SORCS2: variants seen among roughly 807,000 people sequenced by gnomAD.
SORCS2 encodes VPS10 domain-containing receptor SorCS2.
In SORCS2, 100 loss-of-function variants were observed where a neutral mutation model predicts 141.6. That is an observed-to-expected ratio of 0.71 (90% confidence interval 0.60 to 0.83). SORCS2 has a LOEUF of 0.83. Ranked by LOEUF, SORCS2 falls within the 40% of genes least tolerant of loss-of-function variation. SORCS2 has a pLI of 0.00. For missense variants in SORCS2, 1,646 were observed against 1,560.2 expected (o/e 1.05, Z -0.93); for synonymous variants, 789 against 676.9 (o/e 1.17, Z -2.57).
intron 3 of SORCS2, among the ~76,000 whole-genome samples, chr4:7,542,158 G>A (rs962411834): frequency 5.3e-5 from 8 of 152,224 alleles, no homozygotes; most frequent in African/African-American, 1.9e-4. Context: ...CTCATGGGCG[G>A]AGGGTTGGGG....
chr4:7,467,425 C>T (rs963272598), intron 2 of SORCS2, among the ~76,000 whole-genome samples: 7 of 152,160 alleles, frequency 4.6e-5, no homozygotes, highest in African/African-American at 1.2e-4. Flanking sequence ...AAGGAGGTGG[C>T]GACTGCCAGG....
intron 4 of SORCS2, 137 bp downstream of exon 4, chr4:7,638,629 G>T (rs1463896500): frequency 2.2e-6 from 2 of 889,592 alleles, no homozygotes; most frequent in African/African-American, 1.8e-5. Context: ...GGGGCTGGGG[G>T]CCGGGATGCT....
chr4:7,405,048 G>A (rs1216256931), intron 2 of SORCS2, among the ~76,000 whole-genome samples: 1 of 151,990 alleles, frequency 6.6e-6, no homozygotes, highest in African/African-American at 2.4e-5. Context: ...GAGAGATAGG[G>A]GTCCGTTTTC....
At chr4:7,706,405 G>GT (rs1560498941) in intron 14 of SORCS2, among the ~76,000 whole-genome samples, 9 of 148,200 alleles carry the variant, frequency 6.1e-5, no homozygotes, top group South Asian at 2.1e-4. Flanking sequence ...GCTGGGCTCT[G>GT]CCTGGACAGA....
At chr4:7,468,588 G>C (rs767109406) in intron 2 of SORCS2, among the ~76,000 whole-genome samples, 1 of 152,260 alleles carries the variant, frequency 6.6e-6, no homozygotes, top group Non-Finnish European at 1.5e-5. Context: ...TCAACGCGTA[G>C]AGTGAATGAA....
intron 1 of SORCS2, among the ~76,000 whole-genome samples, chr4:7,318,075 C>G (rs1055275117): frequency 7.9e-5 from 12 of 152,208 alleles, no homozygotes; most frequent in Non-Finnish European, 1.6e-4. Context: ...CAAGGTGATA[C>G]AGCAGCAGAC....
intron 2 of SORCS2, among the ~76,000 whole-genome samples, chr4:7,486,992 C>T (rs1255506980): frequency 2.0e-5 from 3 of 152,214 alleles, no homozygotes; most frequent in East Asian, 1.9e-4. Flanking sequence ...AACCCTCTAC[C>T]GACCTCAGCG....
intron 3 of SORCS2, among the ~76,000 whole-genome samples, chr4:7,629,509 T>G (rs1719739322): frequency 6.6e-6 from 1 of 152,036 alleles, no homozygotes; most frequent in Non-Finnish European, 1.5e-5. Flanking sequence ...TCTCTCCTCC[T>G]GGCCTGCTGA....
intron 2 of SORCS2, among the ~76,000 whole-genome samples, chr4:7,425,302 T>G (rs1726355244): frequency 6.6e-6 from 1 of 152,182 alleles, no homozygotes; most frequent in Non-Finnish European, 1.5e-5. Context: ...GCACCTGCTC[T>G]CTGTCTCCAC....
chr4:7,512,637 A>G (rs1268952962), intron 2 of SORCS2, among the ~76,000 whole-genome samples: 1 of 151,926 alleles, frequency 6.6e-6, no homozygotes, highest in Non-Finnish European at 1.5e-5. Context: ...CAGGCAGGAC[A>G]GCAGAGAAGG....
At chr4:7,733,538 T>A in intron 24 of SORCS2, 117 bp downstream of exon 24, 2 of 826,010 alleles carry the variant, frequency 2.4e-6, no homozygotes, top group Non-Finnish European at 3.7e-6. Flanking sequence ...TGGTGGGTGT[T>A]CGCCTCTGAT....
At chr4:7,491,259 C>G (rs1731299444) in intron 2 of SORCS2, among the ~76,000 whole-genome samples, 1 of 152,198 alleles carries the variant, frequency 6.6e-6, no homozygotes, top group Non-Finnish European at 1.5e-5. Flanking sequence ...TGCTCAGCCT[C>G]CAGCATGGGT....
chr4:7,534,237 G>C (rs1264815196), intron 3 of SORCS2, among the ~76,000 whole-genome samples: 1 of 152,210 alleles, frequency 6.6e-6, no homozygotes, highest in South Asian at 2.1e-4. Context: ...GCCGCATCAG[G>C]TTTGCCTGGG....
At chr4:7,478,112 C>T (rs1210638536) in intron 2 of SORCS2, among the ~76,000 whole-genome samples, 1 of 152,216 alleles carries the variant, frequency 6.6e-6, no homozygotes, top group Non-Finnish European at 1.5e-5. Flanking sequence ...AGCAGCCCCT[C>T]CAGAGGCTGG....
chr4:7,477,685 A>T (rs895600448), intron 2 of SORCS2, among the ~76,000 whole-genome samples: 26 of 152,324 alleles, frequency 1.7e-4, no homozygotes, highest in Non-Finnish European at 3.2e-4. Flanking sequence ...ATGGATGGAG[A>T]CAAATGGCCG....
intron 1 of SORCS2, among the ~76,000 whole-genome samples, chr4:7,262,315 T>TATCC (rs1233866321): frequency 4.6e-5 from 6 of 131,298 alleles, no homozygotes; most frequent in Non-Finnish European, 8.1e-5. Flanking sequence ...TCCAACCACC[T>TATCC]ATCCATCCAT....
chr4:7,731,664 G>T (rs115548998), intron 23 of SORCS2, among the ~76,000 whole-genome samples: 1 of 152,146 alleles, frequency 6.6e-6, no homozygotes, highest in Non-Finnish European at 1.5e-5. Context: ...ATCCATACAT[G>T]TACGGTCAAT....
chr4:7,548,203 A>G (rs1373019906), intron 3 of SORCS2, among the ~76,000 whole-genome samples: 1 of 152,142 alleles, frequency 6.6e-6, no homozygotes. Flanking sequence ...AGTGACCCCC[A>G]TCGCCAGCAA....
At chr4:7,559,613 G>A (rs941914129) in intron 3 of SORCS2, among the ~76,000 whole-genome samples, 7 of 152,064 alleles carry the variant, frequency 4.6e-5, no homozygotes, top group East Asian at 1.9e-4. Flanking sequence ...GGCTGGGATC[G>A]AGGCATCAGC....
Sources: gnomAD v4.1 joint callset for allele counts (sites outside exome capture counted in the v4.1 genomes callset) on GRCh38, gnomAD v4.1.1 for gene constraint, MANE v1.5 for transcripts, NCBI Gene and HGNC (gene_info 2026-07-23, HGNC 2026-07-21) for gene names.